Variants in COP1 observed in about 807,000 individuals in gnomAD.
COP1 encodes E3 ubiquitin-protein ligase COP1.
Under a neutral mutation model 101.3 loss-of-function variants are expected in COP1, and 24 were observed. The ratio of observed to expected loss-of-function variants is 0.24; its 90% CI spans 0.17 to 0.33. The LOEUF (loss-of-function observed/expected upper bound fraction) is 0.33, where lower values mean the gene tolerates loss of function less well. COP1 is among the 10% of genes least tolerant of loss of function. COP1 has a pLI of 1.00. For missense variants in COP1, 663 were observed against 906.2 expected (o/e 0.73, Z 3.45); for synonymous variants, 347 against 341.9 (o/e 1.01, Z -0.17).
intron 9 of COP1, among the ~76,000 whole-genome samples, chr1:176,108,395 A>G (rs1372917190): frequency 6.6e-6 from 1 of 152,214 alleles, no homozygotes; most frequent in East Asian, 1.9e-4. Flanking sequence ...TTTTGCACAT[A>G]TGATTAATAC....
chr1:175,973,864 T>C (rs1653865675), intron 18 of COP1, among the ~76,000 whole-genome samples: 1 of 152,144 alleles, frequency 6.6e-6, no homozygotes, highest in Non-Finnish European at 1.5e-5. Flanking sequence ...TTGGGAACAG[T>C]GAGCAGCAAG....
chr1:175,976,270 C>T (rs373732728), intron 18 of COP1, among the ~76,000 whole-genome samples: 855 of 56,536 alleles, frequency 0.015, 1 homozygote, highest in Middle Eastern at 0.019. Flanking sequence ...ATTAGTCATT[C>T]TTTTTTTTTT....
At chr1:176,127,877 C>T (rs1159712215) in intron 8 of COP1, among the ~76,000 whole-genome samples, 1 of 151,982 alleles carries the variant, frequency 6.6e-6, no homozygotes, top group African/African-American at 2.4e-5. Context: ...ATAAGAGCTC[C>T]CTTTTCTCCA....
intron 3 of COP1, among the ~76,000 whole-genome samples, chr1:176,166,524 G>A (rs1695179651): frequency 6.6e-6 from 1 of 152,182 alleles, no homozygotes; most frequent in Non-Finnish European, 1.5e-5. Flanking sequence ...TGTATTAACT[G>A]TCTTGCCATG....
intron 9 of COP1, 145 bp downstream of exon 9, chr1:176,116,479 T>C (rs1686205568): frequency 1.7e-6 from 1 of 586,404 alleles, no homozygotes. Flanking sequence ...CCATTATGCA[T>C]AAGAGCTATT....
intron 18 of COP1, among the ~76,000 whole-genome samples, chr1:175,964,203 C>T (rs1651722845): frequency 6.6e-6 from 1 of 152,170 alleles, no homozygotes; most frequent in South Asian, 2.1e-4. Context: ...AACCTGGCAA[C>T]TTGGCTCCAG....
intron 3 of COP1, chr1:176,168,745 C>G: frequency 3.1e-6 from 1 of 327,652 alleles, no homozygotes; most frequent in Non-Finnish European, 6.2e-6. Flanking sequence ...ACAGAGTATG[C>G]ACACTGGAGG....
At chr1:175,963,631 T>C (rs777218719) in intron 18 of COP1, among the ~76,000 whole-genome samples, 4 of 152,178 alleles carry the variant, frequency 2.6e-5, no homozygotes, top group Admixed American at 1.3e-4. Flanking sequence ...TGGTACTTAA[T>C]AGATGTGTTT....
rs554788009 is a variant in COP1 at position 176,136,903 on chromosome 1, GT to G, written c.832-357del. ...TTAAACAGAAAAATTCAGCATGTCA[GT>G]TGTTAATCACACTTTTTTTTTTTAA... On this transcript the variant is annotated intron_variant, in intron 6 of 19. Transcript: ENST00000367669. Among the ~76,000 whole-genome samples, 456 of 152,036 alleles carry G rather than the reference GT, an allele frequency of 3.0e-3. 2 individuals are homozygous for G. The highest frequency in any genetic ancestry group is 0.01 in the African/African-American group (429 of 41,514).
chr1:176,058,681 C>T (rs1674276069), intron 11 of COP1, among the ~76,000 whole-genome samples: 1 of 151,626 alleles, frequency 6.6e-6, no homozygotes, highest in African/African-American at 2.4e-5. Flanking sequence ...TGTTTATCTG[C>T]TGACCTTCCC....
At position 175,963,023 on chromosome 1, in the gene COP1, T is replaced by C. The variant is rs558834741; in HGVS notation, c.2134-15784A>G. Among the ~76,000 whole-genome samples, 3 of 152,212 alleles carry C rather than the reference T, an allele frequency of 2.0e-5. No individual in the cohort carries two copies. The East Asian group carries it at 5.8e-4, about 29-fold the overall frequency. ...CTTAACATCTTGAAAAACATGAATG[T>C]TACATGTGGGTGTTTTCTGTTATTC... On this transcript the variant is annotated intron_variant, in intron 18 of 19. Coordinates refer to ENST00000367669, the MANE Select transcript of COP1 (RefSeq NM_022457.7).
At chr1:175,992,679 C>T (rs1191603008) in intron 15 of COP1, among the ~76,000 whole-genome samples, 2 of 152,240 alleles carry the variant, frequency 1.3e-5, no homozygotes, top group Non-Finnish European at 2.9e-5. Context: ...TGCAAGGCGG[C>T]AGCGAGGCTG....
At chr1:175,954,948 C>T (rs1650421457) in intron 18 of COP1, among the ~76,000 whole-genome samples, 1 of 151,968 alleles carries the variant, frequency 6.6e-6, no homozygotes, top group Non-Finnish European at 1.5e-5. Flanking sequence ...ATATAATTCA[C>T]TATGTAAAGA....
At chr1:176,123,304 T>C (rs555614766) in intron 8 of COP1, among the ~76,000 whole-genome samples, 14 of 152,308 alleles carry the variant, frequency 9.2e-5, no homozygotes, top group African/African-American at 3.4e-4. Flanking sequence ...AGAGATGTCA[T>C]GAACAGCAGA....
chr1:176,026,984 G>T (rs961642381), intron 15 of COP1, among the ~76,000 whole-genome samples: 1 of 152,000 alleles, frequency 6.6e-6, no homozygotes, highest in Non-Finnish European at 1.5e-5. Flanking sequence ...TGGTACAAAC[G>T]GTGTGAACTA....
chr1:176,101,467 G>C (rs967956386), intron 9 of COP1, among the ~76,000 whole-genome samples: 3 of 151,790 alleles, frequency 2.0e-5, no homozygotes, highest in African/African-American at 4.8e-5. Context: ...ATAAGTAATC[G>C]TGTCTTTGTA....
chr1:176,011,830 A>G (rs1664727679), intron 15 of COP1, among the ~76,000 whole-genome samples: 1 of 152,200 alleles, frequency 6.6e-6, no homozygotes, highest in Non-Finnish European at 1.5e-5. Context: ...CTTTGTACAC[A>G]TTATTCTAAG....
At chr1:176,136,234 G>A (rs1372757388) in intron 7 of COP1, among the ~76,000 whole-genome samples, 1 of 151,992 alleles carries the variant, frequency 6.6e-6, no homozygotes, top group African/African-American at 2.4e-5. Context: ...AGAAAACTGA[G>A]CGATTTTTTT....
chr1:176,133,159 T>C (rs1275560867), intron 8 of COP1, among the ~76,000 whole-genome samples: 5 of 139,800 alleles, frequency 3.6e-5, no homozygotes, highest in South Asian at 2.2e-4. Flanking sequence ...CGTACATATA[T>C]ATACGTATGT....
Sources: gnomAD v4.1 joint callset for allele counts (sites outside exome capture counted in the v4.1 genomes callset) on GRCh38, gnomAD v4.1.1 for gene constraint, MANE v1.5 for transcripts, NCBI Gene and HGNC (gene_info 2026-07-23, HGNC 2026-07-21) for gene names.